ADH1A: variants seen among roughly 807,000 people sequenced by gnomAD.
ADH1A encodes alcohol dehydrogenase 1A (class I), alpha polypeptide.
In ADH1A, 29 loss-of-function variants were observed where a neutral mutation model predicts 35.2. That is an observed-to-expected ratio of 0.82 (90% CI 0.61 to 1.12). ADH1A has a LOEUF of 1.12. Ranked by LOEUF, ADH1A falls within the 50% of genes most tolerant of loss-of-function variation. The pLI is 0.00. For missense variants in ADH1A, 469 were observed against 464.7 expected (o/e 1.01, Z -0.09); for synonymous variants, 147 against 164.8 (o/e 0.89, Z 0.83).
chr4:99,282,122 T>TG, intron 6 of ADH1A: 1 of 786,968 alleles, frequency 1.3e-6, no homozygotes, highest in Non-Finnish European at 2.0e-6. Flanking sequence ...ACAAGCCCTT[T>TG]GCTTTTCCTC....
chr4:99,284,697 G>A lies in ADH1A; in HGVS notation c.347+19C>T. ...TGTGCAAACTCAATGTCTGCGCAGG[G>A]AGAGCATCAGAAACCTACTCGTTTT... On this transcript the variant is annotated intron_variant, in intron 4 of 8. Coordinates refer to ENST00000209668, the MANE Select transcript of ADH1A (RefSeq NM_000667.4). The A allele has an allele frequency of 6.2e-7, 1 of 1,613,732 alleles. No individual in the cohort carries two copies. Among genetic ancestry groups the A allele is most frequent in the Admixed American group, 1.7e-5 (1 of 60,030 alleles).
intron 3 of ADH1A, among the ~76,000 whole-genome samples, chr4:99,286,506 A>G (rs1047810981): frequency 3.9e-5 from 6 of 152,200 alleles, no homozygotes; most frequent in African/African-American, 1.4e-4. Context: ...GCCCTGACAG[A>G]AGACCGTGTT....
chr4:99,279,373 AATCCCCT>A, intron 8 of ADH1A, 46 bp downstream of exon 8: 1 of 1,549,818 alleles, frequency 6.5e-7, no homozygotes, highest in Non-Finnish European at 8.7e-7. Flanking sequence ...TCTGCTAGAC[AATCCCCT>A]ATGGTAGAAA....
At chr4:99,284,674 T>G (rs762927634) in intron 4 of ADH1A, 42 bp downstream of exon 4, 1 of 1,612,330 alleles carries the variant, frequency 6.2e-7, no homozygotes, top group Non-Finnish European at 8.5e-7. Context: ...ATAACTAATG[T>G]GCAAACTCAA....
rs1247274370 is a variant in ADH1A at position 99,280,052 on chromosome 4, T to TAAAA, written c.964+91_964+92insTTTT. ...TAGAAAAGGAATTTTAATTTGTTTT[T>TAAAA]GATCTGCTTTTCAAAACCTTGCCTT... On this transcript the variant is annotated intron_variant, in intron 7 of 8. Coordinates refer to ENST00000209668, the MANE Select transcript of ADH1A (RefSeq NM_000667.4). The TAAAA allele has an allele frequency of 1.1e-4, 169 of 1,541,772 alleles. No individual in the cohort carries two copies. The African/African-American group carries it at 2.1e-3, about 19-fold the overall frequency.
Position 99,284,558 on chromosome 4 carries a change from C to T in ADH1A, c.408G>A (p.Lys136=). 6.2e-7 allele frequency: 1 copy of T among 1,614,226 alleles called. No homozygotes were observed. The highest frequency in any genetic ancestry group is 8.5e-7 in the Non-Finnish European group (1 of 1,180,042). Residue 136 remains lysine (K), a synonymous_variant, in exon 5 of 9, where the codon AAG becomes AAA. Transcript: ENST00000209668. The part of the protein sequence containing the change: ...DGTSRFTCRR[K]PIHHFLGIST... ...TGATGCCAAGGAAGTGGTGGATGGG[C>T]TTCCTCCTGCAGGTGAACCTGCTGG...
Position 99,282,336 on chromosome 4 carries a change from T to C in ADH1A, c.828+10A>G, listed in dbSNP as rs538532214. 1.2e-6 allele frequency: 2 copies of C among 1,614,194 alleles called. No homozygotes were observed. The highest frequency in any genetic ancestry group is 1.7e-6 in the Non-Finnish European group (2 of 1,180,014). On this transcript the variant is annotated intron_variant, in intron 6 of 8. Transcript: ENST00000209668. ...GAGGCAGAAATCTCAGGGCATGTCA[T>C]GGTACATACCATGGTGTCAAGCCGA...
Position 99,282,391 on chromosome 4 carries a change from T to G in ADH1A, c.783A>C (p.Gly261=). The G allele has an allele frequency of 1.9e-6, 3 of 1,614,130 alleles. No individual in the cohort carries two copies. The highest frequency in any genetic ancestry group is 2.5e-6 in the Non-Finnish European group (3 of 1,179,996). The change falls in exon 6 of 9, where the codon GGA becomes GGC. Residue 261 remains glycine (G), a synonymous_variant. Coordinates refer to ENST00000209668, the MANE Select transcript of ADH1A (RefSeq NM_000667.4). ...IQEVLKEMTD[G]GVDFSFEVIG... The stretch of plus-strand genomic sequence containing the variant: ...TGACTTCAAATGAAAAATCCACACC[T>G]CCATCAGTCATTTCCTTTAGCACCT...
intron 7 of ADH1A, 33 bp from the exon 8 acceptor site, chr4:99,279,597 A>G (rs752758742): frequency 1.9e-5 from 31 of 1,595,286 alleles, no homozygotes; most frequent in Non-Finnish European, 2.6e-5. Context: ...GTTAGATTCA[A>G]CCAGGGTAAG....
rs141296468 is a variant in ADH1A, at chr4:99,286,740, G to A, written c.259+110C>T. 992 of 1,526,362 alleles carry A rather than the reference G, an allele frequency of 6.5e-4. 4 individuals carry two copies. In the African/African-American group the frequency reaches 7.3e-3, roughly 11 times the overall value. The allele number at this position is 1,526,362 out of a possible 1,614,324, so 94.6% of individuals were successfully genotyped here. A position where few individuals can be genotyped will look rare whatever the true frequency, so the allele number is the denominator to read the frequency against. ...AGGAAATCCCTGAAGTCCTGGCTGC[G>A]CGGTGACCTTGGTCAAGCCCTTTCG... On this transcript the variant is annotated intron_variant, in intron 3 of 8. Coordinates refer to ENST00000209668, the MANE Select transcript of ADH1A (RefSeq NM_000667.4).
intron 6 of ADH1A, 38 bp downstream of exon 6, chr4:99,282,308 G>T (rs1387801260): frequency 6.2e-7 from 1 of 1,614,188 alleles, no homozygotes; most frequent in East Asian, 2.2e-5. Context: ...CCTCCAAGTT[G>T]TAGAGGCAGA....
Position 99,276,513 on chromosome 4 carries a change from A to G in ADH1A, c.*111T>C. On this transcript the variant is annotated 3_prime_UTR_variant, in exon 9 of 9. Coordinates refer to ENST00000209668, the MANE Select transcript of ADH1A (RefSeq NM_000667.4). Reference sequence around the variant, plus strand: ...TTTGGAAAGCCCCCAAATGTAATTTATTGATAAAATCTGTGATGAGCAGAA... The same window carrying G: ...TTTGGAAAGCCCCCAAATGTAATTTGTTGATAAAATCTGTGATGAGCAGAA... 2.1e-6 allele frequency: 2 copies of G among 966,232 alleles called. No homozygotes were observed. Among genetic ancestry groups the G allele is most frequent in the Non-Finnish European group, 3.3e-6 (2 of 613,642 alleles). The allele number at this position is 966,232 out of a possible 1,614,324, so 59.9% of individuals were successfully genotyped here.
Position 99,287,639 on chromosome 4 carries a change from T to C in ADH1A, c.45A>G (p.Leu15=). ...TGGAAAAGGGTTTCTTTAACTCCCA[T>C]AGCACAGCTGCTTTGCATTTGATTA... ...GKVIKCKAAV[L]WELKKPFSIE... The change falls in exon 2 of 9, where the codon CTA becomes CTG. Residue 15 remains leucine (L), a synonymous_variant. Transcript: ENST00000209668. The C allele has an allele frequency of 6.2e-7, 1 of 1,614,000 alleles. No homozygotes were observed. Among genetic ancestry groups the C allele is most frequent in the Non-Finnish European group, 8.5e-7 (1 of 1,179,928 alleles).
intron 6 of ADH1A, 169 bp downstream of exon 6, chr4:99,282,176 TA>T: frequency 8.4e-6 from 11 of 1,310,354 alleles, no homozygotes; most frequent in South Asian, 1.3e-5. Context: ...GTTGATAGAA[TA>T]AAAGATTCCT....
At chr4:99,290,723 T>C (rs148062707) in intron 1 of ADH1A, among the ~76,000 whole-genome samples, 174 bp downstream of exon 1, 88 of 152,328 alleles carry the variant, frequency 5.8e-4, no homozygotes, top group African/African-American at 1.9e-3. Flanking sequence ...AGGAATAGCT[T>C]ATTTCCACTG....
chr4:99,284,638 G>C lies in ADH1A; in HGVS notation c.348-20C>G, dbSNP rs755598812. The C allele has an allele frequency of 3.1e-6, 5 of 1,613,888 alleles. No individual in the cohort carries two copies. The highest frequency in any genetic ancestry group is 1.6e-4 in the Middle Eastern group (1 of 6,062). Reference sequence around the variant, plus strand: ...CTTACACTGGACAGTGCAATACAAAGACACACAAAGGCATGAGACAGGACC... The same window carrying C: ...CTTACACTGGACAGTGCAATACAAACACACACAAAGGCATGAGACAGGACC... On this transcript the variant is annotated intron_variant, in intron 4 of 8. Transcript: ENST00000209668.
In ADH1A at chr4:99,280,414, G is replaced by A. The variant is rs1732973316; in HGVS notation, c.829-135C>T. 1.9e-5 allele frequency: 28 copies of A among 1,457,900 alleles called. 1 individual carries two copies. The highest frequency in any genetic ancestry group is 1.4e-5 in the African/African-American group (1 of 70,912). 90.3% of individuals were successfully genotyped at this position (1,457,900 alleles called of 1,614,324 possible). A position where few individuals can be genotyped will look rare whatever the true frequency, so the allele number is the denominator to read the frequency against. ...AGAGATTATGTCTTTTGCTCCTTCA[G>A]TCCCCTTTTTTGCACGGGATAGTGC... On this transcript the variant is annotated intron_variant, in intron 6 of 8. Transcript: ENST00000209668.
At chr4:99,287,799 C>A in intron 1 of ADH1A, 134 bp from the exon 2 acceptor site, 1 of 858,640 alleles carries the variant, frequency 1.2e-6, no homozygotes, top group Non-Finnish European at 1.7e-6. Flanking sequence ...GAAATGATCA[C>A]CTCTGATTTA....
chr4:99,279,454 C>T lies in ADH1A; in HGVS notation c.1075G>A (p.Gly359Arg). The T allele has an allele frequency of 6.2e-7, 1 of 1,605,734 alleles. No homozygotes were observed. The highest frequency in any genetic ancestry group is 8.5e-7 in the Non-Finnish European group (1 of 1,177,358). Reference protein sequence around the residue: ...HVLPFEKINEGFDLLHSGKSI... With the variant: ...HVLPFEKINERFDLLHSGKSI... ...TTCCCAGAGTGAAGCAGGTCAAATCCTTCATTTATTTTTTCAAAAGGTAAA... is the reference window on the plus strand; with the variant it reads ...TTCCCAGAGTGAAGCAGGTCAAATCTTTCATTTATTTTTTCAAAAGGTAAA... Residue 359 changes from glycine (G) to arginine (R), a missense_variant, in exon 8 of 9, where the codon GGA becomes AGA. Coordinates refer to ENST00000209668, the MANE Select transcript of ADH1A (RefSeq NM_000667.4).
Sources: allele counts gnomAD v4.1 joint callset (sites outside exome capture counted in the v4.1 genomes callset), GRCh38; gene constraint gnomAD v4.1.1; transcripts MANE v1.5; gene names NCBI Gene and HGNC (gene_info 2026-07-23, HGNC 2026-07-21).